KRT73: variants seen among roughly 807,000 people sequenced by gnomAD.
KRT73 encodes keratin 73, also known as keratin, type II cytoskeletal 73.
A neutral mutation model predicts 47.2 loss-of-function variants in KRT73; 44 were observed. The observed-to-expected ratio is 0.93, with a 90% CI of 0.73 to 1.20. The LOEUF is 1.20. KRT73 is among the 50% of genes most tolerant of loss of function. The pLI, the probability that KRT73 is intolerant of heterozygous loss-of-function variation, is 0.00. For synonymous variants in KRT73, 285 were observed against 291.3 expected (o/e 0.98, Z 0.22); for missense variants, 713 against 704.5 (o/e 1.01, Z -0.14).
In KRT73 at chr12:52,616,225, C is replaced by A. The variant is rs1029689961; in HGVS notation, c.603G>T (p.Arg201Ser). The A allele has an allele frequency of 6.2e-7, 1 of 1,614,170 alleles. No individual in the cohort carries two copies. Among genetic ancestry groups the A allele is most frequent in the African/African-American group, 1.3e-5 (1 of 75,038 alleles). The change falls in exon 2 of 9, where the codon AGG becomes AGT. Residue 201 changes from arginine to serine, a missense_variant. By Grantham distance (110) the Arg-to-Ser change is moderately radical. Transcript: ENST00000305748. ...RKQLETLSGD[R>S]VRLDSELRSV... ...TCCTCAGCTCCGAGTCCAGCCTCAC[C>A]CTGTCCCCAGACAGCGTCTCCAGCT...
At chr12:52,628,340 TG>T in the KRT73 span, among the ~76,000 whole-genome samples, 1 of 152,040 alleles carries the variant, frequency 6.6e-6, no homozygotes, top group Admixed American at 6.5e-5. Flanking sequence ...TCTCAGGGAA[TG>T]GGGTGGGGCC....
intron 2 of KRT73, 28 bp downstream of exon 2, chr12:52,616,138 G>C: frequency 6.2e-7 from 1 of 1,613,104 alleles, no homozygotes; most frequent in Non-Finnish European, 8.5e-7. Flanking sequence ...CTGGGAGGCA[G>C]ACCAGCCTGG....
intron 1 of KRT73, among the ~76,000 whole-genome samples, chr12:52,617,597 G>C (rs1940838611): frequency 6.6e-6 from 1 of 152,196 alleles, no homozygotes; most frequent in Non-Finnish European, 1.5e-5. Flanking sequence ...TCGCATGGCA[G>C]TCTAGATGCC....
At chr12:52,621,987 C>T (rs1258433188), upstream of KRT73, among the ~76,000 whole-genome samples, 1 of 152,154 alleles carries the variant, frequency 6.6e-6, no homozygotes, top group African/African-American at 2.4e-5. Context: ...CACACCCTTT[C>T]CCCTGCAAGG....
Position 52,616,393 on chromosome 12 carries a change from C to A in KRT73, c.448-13G>T, listed in dbSNP as rs1275610580. Reference sequence around the variant, plus strand: ...CCAGGAACCGCACCTGGAACCCATGCCACACATACTTAAGCAATGTGGAGA... The same window carrying A: ...CCAGGAACCGCACCTGGAACCCATGACACACATACTTAAGCAATGTGGAGA... On this transcript the variant is annotated splice_polypyrimidine_tract_variant and intron_variant, in intron 1 of 8. Coordinates refer to ENST00000305748, the MANE Select transcript of KRT73 (RefSeq NM_175068.3). 1 of 1,614,042 alleles carries A rather than the reference C, an allele frequency of 6.2e-7. No homozygotes were observed. Among genetic ancestry groups the A allele is most frequent in the East Asian group, 2.2e-5 (1 of 44,876 alleles).
chr12:52,623,293 A>G (rs557057168), upstream of KRT73, among the ~76,000 whole-genome samples: 162 of 152,386 alleles, frequency 1.1e-3, 1 homozygote, highest in African/African-American at 3.7e-3. Flanking sequence ...ATTTCTCATC[A>G]TAAACTATGG....
At position 52,618,449 on chromosome 12, in the gene KRT73, C is replaced by A; in HGVS notation, c.76G>T (p.Gly26Trp). The A allele has an allele frequency of 6.2e-7, 1 of 1,614,022 alleles. No individual in the cohort carries two copies. Among genetic ancestry groups the A allele is most frequent in the Non-Finnish European group, 8.5e-7 (1 of 1,179,992 alleles). Residue 26 changes from glycine (G) to tryptophan (W), a missense_variant, in exon 1 of 9, where the codon GGG becomes TGG. Transcript: ENST00000305748. ...GFSGCSAVLS[G>W]GSSSSYRAGG... is the part of the protein sequence containing the mutation. ...GCTCGGTAGGAGGATGAGCTGCCCC[C>A]TGAGAGCACAGCGGAGCAGCCGCTG...
Position 52,610,619 on chromosome 12 carries a change from A to G in KRT73, c.1327T>C (p.Cys443Arg). ...CAGTCCCTCGGTCCCACCCACCTGC[A>G]CTCCTCGCCCTCCAGCAGCTTGCGG... ...TYRKLLEGEE[C>R]RMSGEYTNSV... Residue 443 changes from cysteine (C) to arginine (R), a missense_variant, in exon 7 of 9, where the codon TGC becomes CGC. Cys to Arg is a radical substitution (Grantham distance 180). Coordinates refer to ENST00000305748, the MANE Select transcript of KRT73 (RefSeq NM_175068.3). 2 of 1,371,976 alleles carry G rather than the reference A, an allele frequency of 1.5e-6. No individual in the cohort carries two copies. The highest frequency in any genetic ancestry group is 1.9e-6 in the Non-Finnish European group (2 of 1,035,930). The allele number at this position is 1,371,976 out of a possible 1,614,324, so 85.0% of individuals were successfully genotyped here. A position where few individuals can be genotyped will look rare whatever the true frequency, so the allele number is the denominator to read the frequency against.
At chr12:52,616,773 C>T (rs558983714) in intron 1 of KRT73, among the ~76,000 whole-genome samples, 2 of 152,254 alleles carry the variant, frequency 1.3e-5, no homozygotes, top group African/African-American at 2.4e-5. Flanking sequence ...GCCTTCTGCT[C>T]GGGGTCTGGT....
At chr12:52,613,898 A>G in intron 4 of KRT73, 46 bp from the exon 5 acceptor site, 1 of 1,595,674 alleles carries the variant, frequency 6.3e-7, no homozygotes, top group South Asian at 1.2e-5. Context: ...GTGACCAGAG[A>G]AAGGTCCCAA....
Position 52,607,952 on chromosome 12 carries a change from A to C in KRT73, c.*244T>G. 1 of 487,486 alleles carries C rather than the reference A, an allele frequency of 2.1e-6. No individual in the cohort carries two copies. The highest frequency in any genetic ancestry group is 3.6e-6 in the Non-Finnish European group (1 of 276,828). The allele number at this position is 487,486 out of a possible 1,614,324, so 30.2% of individuals were successfully genotyped here. A position where few individuals can be genotyped will look rare whatever the true frequency, so the allele number is the denominator to read the frequency against. On this transcript the variant is annotated 3_prime_UTR_variant, in exon 9 of 9. Transcript: ENST00000305748. ...CAGAGAAAAGGCCAAGTCTTCTTCC[A>C]GAAGGGGAGGCTGAGTTAAAAGGCC...
the KRT73 span, among the ~76,000 whole-genome samples, chr12:52,627,840 C>T: frequency 6.6e-6 from 1 of 152,168 alleles, no homozygotes; most frequent in South Asian, 2.1e-4. Context: ...ACAGGAATAG[C>T]ACCCCTTCCA....
Position 52,615,351 on chromosome 12 carries a change from G to A in KRT73, c.663-12C>T. Reference sequence around the variant, plus strand: ...TTTCTTCTTCATACCTGCAGGGAAAGCATCACAGGAAGCAGAGTGTGTGTC... The same window carrying A: ...TTTCTTCTTCATACCTGCAGGGAAAACATCACAGGAAGCAGAGTGTGTGTC... On this transcript the variant is annotated splice_polypyrimidine_tract_variant and intron_variant, in intron 2 of 8. Coordinates refer to ENST00000305748, the MANE Select transcript of KRT73 (RefSeq NM_175068.3). 1 of 1,612,378 alleles carries A rather than the reference G, an allele frequency of 6.2e-7. No individual in the cohort carries two copies. Among genetic ancestry groups the A allele is most frequent in the Non-Finnish European group, 8.5e-7 (1 of 1,178,476 alleles).
Position 52,613,706 on chromosome 12 carries a change from C to T in KRT73, c.966G>A (p.Glu322=). 1.9e-6 allele frequency: 3 copies of T among 1,614,186 alleles called. No homozygotes were observed. Among genetic ancestry groups the T allele is most frequent in the Non-Finnish European group, 2.5e-6 (3 of 1,180,008 alleles). ...EIARKSKAEA[E]ALYQTKFQEL... Reference sequence around the variant, plus strand: ...GCCTCACCTTGGTCTGGTACAGGGCCTCGGCCTCGGCCTTGCTCTTCCGGG... The same window carrying T: ...GCCTCACCTTGGTCTGGTACAGGGCTTCGGCCTCGGCCTTGCTCTTCCGGG... The change falls in exon 5 of 9, where the codon GAG becomes GAA. Residue 322 remains glutamate, a synonymous_variant. Coordinates refer to ENST00000305748, the MANE Select transcript of KRT73 (RefSeq NM_175068.3).
the KRT73 span, among the ~76,000 whole-genome samples, chr12:52,627,038 C>T: frequency 6.6e-6 from 1 of 152,192 alleles, no homozygotes; most frequent in Non-Finnish European, 1.5e-5. Context: ...TTTCATTTGA[C>T]CATTTCAACC....
At chr12:52,619,899 T>C (rs1940874477), upstream of KRT73, among the ~76,000 whole-genome samples, 1 of 152,150 alleles carries the variant, frequency 6.6e-6, no homozygotes, top group Non-Finnish European at 1.5e-5. Context: ...CCATCCTTCT[T>C]TTCTATTTCT....
At chr12:52,608,827 T>C (rs1055214672) in intron 8 of KRT73, among the ~76,000 whole-genome samples, 1 of 152,208 alleles carries the variant, frequency 6.6e-6, no homozygotes, top group East Asian at 1.9e-4. Context: ...CTGGTCCCAC[T>C]ATAAGAAAGA....
At chr12:52,618,652 G>T (rs964831587), upstream of KRT73, 5 of 984,434 alleles carry the variant, frequency 5.1e-6, no homozygotes, top group African/African-American at 8.2e-5. Context: ...TGTGGGTTCA[G>T]TTTGCCTGGA....
chr12:52,624,049 A>G, the KRT73 span, among the ~76,000 whole-genome samples: 1 of 152,090 alleles, frequency 6.6e-6, no homozygotes, highest in Non-Finnish European at 1.5e-5. Flanking sequence ...ATTTTAAAAC[A>G]TGAACCAACT....
Sources: allele counts gnomAD v4.1 joint callset (sites outside exome capture counted in the v4.1 genomes callset), GRCh38; gene constraint gnomAD v4.1.1; transcripts MANE v1.5; gene names NCBI Gene and HGNC (gene_info 2026-07-23, HGNC 2026-07-21).